PTPRM: variants seen among roughly 807,000 people sequenced by gnomAD.
The protein encoded by PTPRM is protein tyrosine phosphatase receptor type M.
A neutral mutation model predicts 186.7 loss-of-function variants in PTPRM; 47 were observed. The observed-to-expected ratio is 0.25, with a 90% CI of 0.20 to 0.32. The LOEUF (loss-of-function observed/expected upper bound fraction) is 0.32, where lower values mean the gene tolerates loss of function less well. Among genes scored for constraint, PTPRM ranks in the 10% least tolerant of loss-of-function variants. PTPRM has a pLI of 1.00. For synonymous variants in PTPRM, 668 were observed against 674.9 expected (o/e 0.99, Z 0.16); for missense variants, 1,494 against 1,865.0 (o/e 0.80, Z 3.66).
intron 23 of PTPRM, among the ~76,000 whole-genome samples, chr18:8,344,444 G>GTATATATATATATATATATATATA (rs749210473): frequency 7.7e-6 from 1 of 129,534 alleles, no homozygotes; most frequent in Non-Finnish European, 1.6e-5. Flanking sequence ...GTGTGTGTGT[G>GTATATATATATATATATATATATA]TGTGTATATA....
intron 1 of PTPRM, among the ~76,000 whole-genome samples, chr18:7,762,989 A>G (rs1308220642): frequency 6.6e-6 from 1 of 152,176 alleles, no homozygotes; most frequent in African/African-American, 2.4e-5. Context: ...TAGATATTAC[A>G]AAGGACTCAT....
At chr18:8,253,157 T>C in intron 18 of PTPRM, 70 bp from the exon 19 acceptor site, 1 of 1,240,684 alleles carries the variant, frequency 8.1e-7, no homozygotes, top group Non-Finnish European at 1.0e-6. Flanking sequence ...GCCAGCTTCT[T>C]AGCATTCTCA....
intron 1 of PTPRM, among the ~76,000 whole-genome samples, chr18:7,649,744 A>C (rs1224099834): frequency 6.6e-6 from 1 of 151,986 alleles, no homozygotes; most frequent in African/African-American, 2.4e-5. Flanking sequence ...CTAATAATAA[A>C]GAAAAAGAAA....
At chr18:7,678,676 G>T (rs181243905) in intron 1 of PTPRM, among the ~76,000 whole-genome samples, 3 of 152,128 alleles carry the variant, frequency 2.0e-5, no homozygotes, top group Non-Finnish European at 4.4e-5. Context: ...ATGTCATACC[G>T]TACTTACCAA....
At chr18:7,856,407 G>C (rs1036970030) in intron 2 of PTPRM, among the ~76,000 whole-genome samples, 1 of 152,042 alleles carries the variant, frequency 6.6e-6, no homozygotes, top group Non-Finnish European at 1.5e-5. Context: ...CTAGTCACCC[G>C]TCTCTACTTT....
chr18:7,782,457 A>G (rs941659231), intron 2 of PTPRM, among the ~76,000 whole-genome samples: 5 of 152,240 alleles, frequency 3.3e-5, no homozygotes, highest in African/African-American at 9.6e-5. Context: ...CAAATTTACT[A>G]TGTGAACCAT....
chr18:7,808,190 G>T (rs113900976), intron 2 of PTPRM, among the ~76,000 whole-genome samples: 1,561 of 152,280 alleles, frequency 0.01, 19 homozygotes, highest in African/African-American at 0.036. Flanking sequence ...CTAGAAACAA[G>T]ATTGACAGCA....
chr18:8,131,742 A>G (rs1568393955), intron 13 of PTPRM, among the ~76,000 whole-genome samples: 3 of 152,230 alleles, frequency 2.0e-5, no homozygotes, highest in Admixed American at 6.5e-5. Context: ...ATATAAAGCT[A>G]TTTGTAAGGG....
chr18:8,268,584 C>T (rs954828137), intron 19 of PTPRM, among the ~76,000 whole-genome samples: 9 of 151,904 alleles, frequency 5.9e-5, no homozygotes, highest in African/African-American at 2.2e-4. Flanking sequence ...TTTTACAAGG[C>T]CGATATTACC....
chr18:8,037,174 G>T (rs1009007511), intron 7 of PTPRM, among the ~76,000 whole-genome samples: 2 of 152,148 alleles, frequency 1.3e-5, no homozygotes, highest in Non-Finnish European at 1.5e-5. Context: ...CAGACTAAAG[G>T]TTTCTTCAAA....
chr18:7,659,155 C>CAA (rs1555647763), intron 1 of PTPRM, among the ~76,000 whole-genome samples: 31 of 147,198 alleles, frequency 2.1e-4, no homozygotes, highest in African/African-American at 5.1e-4. Flanking sequence ...CACACACACA[C>CAA]AATCTCCCTT....
At chr18:8,375,501 G>T (rs910897566) in intron 24 of PTPRM, among the ~76,000 whole-genome samples, 10 of 152,228 alleles carry the variant, frequency 6.6e-5, no homozygotes, top group Non-Finnish European at 1.5e-4. Flanking sequence ...GACCTGTCTA[G>T]TTGGAAAGGT....
chr18:7,616,689 C>T (rs1016666089), intron 1 of PTPRM, among the ~76,000 whole-genome samples: 2 of 152,172 alleles, frequency 1.3e-5, no homozygotes, highest in African/African-American at 4.8e-5. Flanking sequence ...GCTTGGTTTC[C>T]TGGAAGAATG....
chr18:7,576,562 A>T (rs1190790655), intron 1 of PTPRM, among the ~76,000 whole-genome samples: 1 of 151,924 alleles, frequency 6.6e-6, no homozygotes, highest in African/African-American at 2.4e-5. Context: ...TGTAGCTTCG[A>T]CTTCCTGGGC....
chr18:7,596,599 A>G (rs1444761293), intron 1 of PTPRM, among the ~76,000 whole-genome samples: 3 of 152,138 alleles, frequency 2.0e-5, no homozygotes, highest in African/African-American at 4.8e-5. Flanking sequence ...CATCATAGGT[A>G]TGTGCATATA....
intron 7 of PTPRM, among the ~76,000 whole-genome samples, chr18:8,045,800 A>G (rs1170792240): frequency 1.3e-5 from 2 of 152,204 alleles, no homozygotes; most frequent in Admixed American, 1.3e-4. Flanking sequence ...TACACTTTAC[A>G]TGGGTGGATT....
intron 19 of PTPRM, among the ~76,000 whole-genome samples, chr18:8,255,609 A>C (rs966132187): frequency 3.9e-5 from 6 of 152,192 alleles, no homozygotes; most frequent in Non-Finnish European, 7.3e-5. Context: ...TTAAACCCTA[A>C]AGCCATTGTT....
At chr18:8,322,202 C>T (rs146595696) in intron 22 of PTPRM, among the ~76,000 whole-genome samples, 229 of 152,300 alleles carry the variant, frequency 1.5e-3, no homozygotes, top group African/African-American at 5.3e-3. Context: ...GTTAGTAATG[C>T]ACAGATGTTC....
At chr18:8,372,549 T>G (rs938832655) in intron 24 of PTPRM, among the ~76,000 whole-genome samples, 36 of 152,330 alleles carry the variant, frequency 2.4e-4, no homozygotes, top group Middle Eastern at 6.8e-3. Context: ...GGAAAGACTT[T>G]ATTTTAATCT....
Sources: gnomAD v4.1 joint callset for allele counts (sites outside exome capture counted in the v4.1 genomes callset) on GRCh38, gnomAD v4.1.1 for gene constraint, MANE v1.5 for transcripts, NCBI Gene and HGNC (gene_info 2026-07-23, HGNC 2026-07-21) for gene names.